SYTL3: variants seen among roughly 807,000 people sequenced by gnomAD.
SYTL3 encodes synaptotagmin-like protein 3.
Under a neutral mutation model 82.1 loss-of-function variants are expected in SYTL3, and 88 were observed. That is an observed-to-expected ratio of 1.07 (90% CI 0.90 to 1.28). The LOEUF is 1.28. Among genes scored for constraint, SYTL3 ranks in the 50% most tolerant of loss-of-function variants. SYTL3 has a pLI of 0.00. For missense variants in SYTL3, 831 were observed against 757.6 expected (o/e 1.10, Z -1.14); for synonymous variants, 311 against 289.4 (o/e 1.07, Z -0.76).
At chr6:158,763,585 C>T in intron 17 of SYTL3, 76 bp downstream of exon 17, 2 of 1,312,532 alleles carry the variant, frequency 1.5e-6, no homozygotes, top group Non-Finnish European at 2.2e-6. Context: ...GAAAATGCTT[C>T]CACCAGGGCA....
At chr6:158,753,084 T>C (rs1412923134) in intron 13 of SYTL3, among the ~76,000 whole-genome samples, 1 of 146,456 alleles carries the variant, frequency 6.8e-6, no homozygotes, top group Non-Finnish European at 1.5e-5. Flanking sequence ...TTTCTTTTTT[T>C]TTTTTTTTTT....
chr6:158,682,625 C>CT (rs1338775179), intron 5 of SYTL3, among the ~76,000 whole-genome samples: 2 of 152,148 alleles, frequency 1.3e-5, no homozygotes, highest in Non-Finnish European at 2.9e-5. Flanking sequence ...TCCCAAAGTG[C>CT]TGGGATTACA....
intron 6 of SYTL3, among the ~76,000 whole-genome samples, chr6:158,702,962 G>A (rs922472600): frequency 1.3e-5 from 2 of 151,852 alleles, no homozygotes; most frequent in African/African-American, 4.8e-5. Context: ...AGACCATCCT[G>A]GCTAATACGG....
intron 6 of SYTL3, among the ~76,000 whole-genome samples, chr6:158,705,160 G>A (rs1405332962): frequency 1.6e-5 from 1 of 61,894 alleles, no homozygotes; most frequent in Non-Finnish European, 3.1e-5. Flanking sequence ...GGGCAGGAGG[G>A]ACCCAGGGCA....
chr6:158,707,216 G>C lies in SYTL3; in HGVS notation c.395-14G>C. On this transcript the variant is annotated splice_polypyrimidine_tract_variant and intron_variant, in intron 6 of 17. Transcript: ENST00000611299. ...TTCTTAATAATAAACGCCCTCTATG[G>C]ATATCTCTCGCAGGCAAACATGAGA... 4 of 1,613,446 alleles carry C rather than the reference G, an allele frequency of 2.5e-6. No individual in the cohort carries two copies. Among genetic ancestry groups the C allele is most frequent in the Non-Finnish European group, 3.4e-6 (4 of 1,179,888 alleles).
chr6:158,714,039 T>C (rs1421970600), intron 9 of SYTL3, among the ~76,000 whole-genome samples, 161 bp downstream of exon 9: 1 of 152,134 alleles, frequency 6.6e-6, no homozygotes, highest in Non-Finnish European at 1.5e-5. Context: ...TTCATCTCTT[T>C]CCCAACAAAG....
intron 13 of SYTL3, among the ~76,000 whole-genome samples, chr6:158,753,460 G>A (rs1333036481): frequency 1.3e-5 from 2 of 152,020 alleles, no homozygotes; most frequent in African/African-American, 2.4e-5. Context: ...GCCGGGCGCG[G>A]TGGCTCACGC....
At chr6:158,684,821 A>C (rs943853289) in intron 6 of SYTL3, among the ~76,000 whole-genome samples, 10 of 152,014 alleles carry the variant, frequency 6.6e-5, no homozygotes, top group South Asian at 4.2e-4. Flanking sequence ...AAAAAAAAAA[A>C]AAAAAACGCT....
At chr6:158,648,932 G>A (rs191103937), upstream of SYTL3, among the ~76,000 whole-genome samples, 226 of 152,294 alleles carry the variant, frequency 1.5e-3, no homozygotes, top group African/African-American at 5.1e-3. Context: ...ATCTGCTATT[G>A]AGCTGGGAAG....
intron 10 of SYTL3, among the ~76,000 whole-genome samples, chr6:158,719,286 A>G (rs971087983): frequency 6.6e-6 from 1 of 152,182 alleles, no homozygotes; most frequent in Non-Finnish European, 1.5e-5. Flanking sequence ...CTCATTTTAC[A>G]TGTAAAGAAA....
At chr6:158,761,909 C>A (rs892748032) in intron 15 of SYTL3, among the ~76,000 whole-genome samples, 167 bp from the exon 16 acceptor site, 1 of 152,166 alleles carries the variant, frequency 6.6e-6, no homozygotes, top group Non-Finnish European at 1.5e-5. Context: ...AGCGCCACAG[C>A]CTGTGGGCAG....
intron 12 of SYTL3, 109 bp downstream of exon 12, chr6:158,745,767 T>G: frequency 2.3e-6 from 2 of 852,794 alleles, no homozygotes; most frequent in South Asian, 3.8e-5. Context: ...AAAAACAAAA[T>G]GAAAAGGCTT....
At chr6:158,737,053 A>C (rs1786279631) in intron 11 of SYTL3, among the ~76,000 whole-genome samples, 2 of 141,980 alleles carry the variant, frequency 1.4e-5, no homozygotes, top group Admixed American at 6.8e-5. Flanking sequence ...AAAAAAAAAA[A>C]CAACGAAAAA....
At chr6:158,741,539 A>G (rs545996156) in intron 11 of SYTL3, among the ~76,000 whole-genome samples, 1 of 152,310 alleles carries the variant, frequency 6.6e-6, no homozygotes, top group African/African-American at 2.4e-5. Flanking sequence ...TGGGATTCAG[A>G]AAACTGTGGT....
intron 2 of SYTL3, among the ~76,000 whole-genome samples, chr6:158,653,681 C>T (rs1788321051): frequency 6.6e-6 from 1 of 152,172 alleles, no homozygotes; most frequent in South Asian, 2.1e-4. Flanking sequence ...AATACAGGAG[C>T]GAGCTGCCGC....
rs1554251460 is a variant in SYTL3 at position 158,693,859 on chromosome 6, T to TC, written c.394+10870_394+10871insC. 1.1e-3 allele frequency among the ~76,000 whole-genome samples: 116 copies of TC among 102,134 alleles called. 1 individual carries two copies. The highest frequency in any genetic ancestry group is 4.7e-3 in the Middle Eastern group (1 of 212). 67.0% of individuals were successfully genotyped at this position (102,134 alleles called of 152,430 possible). A position where few individuals can be genotyped will look rare whatever the true frequency, so the allele number is the denominator to read the frequency against. On this transcript the variant is annotated intron_variant, in intron 6 of 17. Transcript: ENST00000611299. ...TCCAGCCTTTCTTTTTCTTTTCTTT[T>TC]TTTTTTTTTTTTTTGTAGATACAGG...
intron 11 of SYTL3, among the ~76,000 whole-genome samples, chr6:158,728,850 C>T (rs554936879): frequency 2.0e-5 from 3 of 152,068 alleles, no homozygotes; most frequent in East Asian, 1.9e-4. Flanking sequence ...GGTGAAACCT[C>T]GTCTCTATTA....
At chr6:158,757,527 ATAGT>A in intron 14 of SYTL3, 146 bp downstream of exon 14, 3 of 884,456 alleles carry the variant, frequency 3.4e-6, no homozygotes, top group Non-Finnish European at 1.7e-6. Context: ...TGACTTTGAA[ATAGT>A]TACTTTCTTG....
chr6:158,660,251 C>T (rs1259349004), intron 2 of SYTL3, among the ~76,000 whole-genome samples: 8 of 152,122 alleles, frequency 5.3e-5, no homozygotes, highest in South Asian at 2.1e-4. Context: ...GACAACAGAG[C>T]AATACTCCGT....
Sources: allele counts gnomAD v4.1 joint callset (sites outside exome capture counted in the v4.1 genomes callset), GRCh38; gene constraint gnomAD v4.1.1; transcripts MANE v1.5; gene names NCBI Gene and HGNC (gene_info 2026-07-23, HGNC 2026-07-21).